Variants in NMI observed in about 807,000 individuals in gnomAD.
NMI encodes the protein N-myc-interactor.
Under a neutral mutation model 34.3 loss-of-function variants are expected in NMI, and 39 were observed. That is an observed-to-expected ratio of 1.14 (90% CI 0.88 to 1.49). The LOEUF (loss-of-function observed/expected upper bound fraction) is 1.49. Ranked by LOEUF, NMI falls within the 40% of genes most tolerant of loss-of-function variation. NMI has a pLI of 0.00. For missense variants in NMI, 339 were observed against 358.1 expected (o/e 0.95, Z 0.43); for synonymous variants, 113 against 120.3 (o/e 0.94, Z 0.40).
At chr2:151,277,236 G>A (rs1171463533) in intron 4 of NMI, 1 of 152,250 alleles carries the variant, frequency 6.6e-6, no homozygotes, top group African/African-American at 2.4e-5. Flanking sequence ...TAACTTGGAT[G>A]ATGGTTTTTT....
intron 6 of NMI, 72 bp downstream of exon 6, chr2:151,275,412 G>T (rs1002785048): frequency 9.1e-6 from 12 of 1,320,334 alleles, no homozygotes; most frequent in African/African-American, 1.5e-5. Context: ...AGTAGAATAG[G>T]AATACTTTCA....
intron 3 of NMI, among the ~76,000 whole-genome samples, chr2:151,279,825 C>A (rs1160934720): frequency 6.6e-6 from 1 of 152,038 alleles, no homozygotes; most frequent in African/African-American, 2.4e-5. Context: ...CCACCTTCCC[C>A]AACACCTGCC....
chr2:151,281,928 T>C lies in NMI; in HGVS notation c.177+20A>G, dbSNP rs758448883. On this transcript the variant is annotated intron_variant, in intron 3 of 7. Transcript: ENST00000243346. ...ATGCATCCATCAAAAATGTAGTATA[T>C]AAAATAATTAAGAGAGTACCTGGAA... 26 of 1,218,850 alleles carry C rather than the reference T, an allele frequency of 2.1e-5. No homozygotes were observed. Among genetic ancestry groups the C allele is most frequent in the Admixed American group, 7.8e-5 (4 of 51,168 alleles). 75.5% of individuals were successfully genotyped at this position (1,218,850 alleles called of 1,614,324 possible). A position where few individuals can be genotyped will look rare whatever the true frequency, so the allele number is the denominator to read the frequency against.
In NMI at chr2:151,275,670, C is replaced by T; in HGVS notation, c.448G>A (p.Val150Ile). ...VPLNSGVRFQ[V>I]YVEVSKMKIN... Reference sequence around the variant, plus strand: ...TTCATTTTAGAAACTTCTACATAAACCTGGAAAATGATTTGATGTTCAGAA... The same window carrying T: ...TTCATTTTAGAAACTTCTACATAAATCTGGAAAATGATTTGATGTTCAGAA... Residue 150 changes from valine (V) to isoleucine (I), a missense_variant and splice_region_variant, in exon 6 of 8, where the codon GTT (valine) becomes ATT (isoleucine). Physicochemically the swap from Val to Ile is conservative, Grantham distance 29 (BLOSUM62 3). Transcript: ENST00000243346. 6.2e-7 allele frequency: 1 copy of T among 1,613,762 alleles called. No homozygotes were observed. The highest frequency in any genetic ancestry group is 1.1e-5 in the South Asian group (1 of 91,074).
intron 6 of NMI, among the ~76,000 whole-genome samples, chr2:151,275,210 T>G (rs1352380087): frequency 6.6e-6 from 1 of 152,056 alleles, no homozygotes; most frequent in Non-Finnish European, 1.5e-5. Context: ...CTTGAACTCC[T>G]GACCTCAAGT....
chr2:151,275,619 T>A lies in NMI; in HGVS notation c.499A>T (p.Thr167Ser). Residue 167 changes from threonine to serine, a missense_variant, in exon 6 of 8, where the codon ACA (threonine) becomes TCA (serine). By Grantham distance (58) the Thr-to-Ser change is moderately conservative. Coordinates refer to ENST00000243346, the MANE Select transcript of NMI (RefSeq NM_004688.3). ...MKINVTEIPD[T>S]LREDQMRDKL... is the part of the protein sequence containing the mutation. ...TCTCTCATTTGATCTTCACGCAATG[T>A]GTCAGGAATTTCAGTAACATTGATT... The A allele has an allele frequency of 6.2e-7, 1 of 1,614,210 alleles. No individual in the cohort carries two copies. Among genetic ancestry groups the A allele is most frequent in the South Asian group, 1.1e-5 (1 of 91,088 alleles).
At chr2:151,277,818 G>T (rs755676954) in intron 4 of NMI, 2 of 152,134 alleles carry the variant, frequency 1.3e-5, no homozygotes, top group Non-Finnish European at 2.9e-5. Flanking sequence ...CAGAATATGA[G>T]CACTGGAAGG....
intron 6 of NMI, among the ~76,000 whole-genome samples, chr2:151,273,143 G>C (rs1269352385): frequency 1.3e-5 from 2 of 150,826 alleles, no homozygotes; most frequent in Non-Finnish European, 2.9e-5. Flanking sequence ...TACAGGTCCT[G>C]AGTCAAATAG....
At chr2:151,271,852 T>G (rs773392529) in intron 6 of NMI, 120 bp from the exon 7 acceptor site, 1 of 585,818 alleles carries the variant, frequency 1.7e-6, no homozygotes, top group Non-Finnish European at 3.0e-6. Flanking sequence ...AGATTAATTT[T>G]TAAGAAATTC....
intron 6 of NMI, among the ~76,000 whole-genome samples, chr2:151,274,350 A>C (rs1573742051): frequency 2.1e-5 from 1 of 47,336 alleles, no homozygotes; most frequent in African/African-American, 9.5e-5. Flanking sequence ...CTCACAAAAA[A>C]AAAAAAAAAA....
intron 1 of NMI, among the ~76,000 whole-genome samples, chr2:151,286,389 G>A (rs1206237181): frequency 6.6e-6 from 1 of 152,130 alleles, no homozygotes; most frequent in Admixed American, 6.6e-5. Context: ...AGACTAAAGA[G>A]ACCTCACAAC....
At chr2:151,270,926 C>T (rs188282691) in intron 7 of NMI, 51 bp from the exon 8 acceptor site, 371 of 1,302,802 alleles carry the variant, frequency 2.8e-4, no homozygotes, top group East Asian at 7.4e-4. Context: ...CTTTGAATTA[C>T]AAAACTTTAC....
At position 151,278,857 on chromosome 2, in the gene NMI, T is replaced by C. The variant is rs1365820064; in HGVS notation, c.311A>G (p.Gln104Arg). The C allele has an allele frequency of 6.2e-7, 1 of 1,613,568 alleles. No homozygotes were observed. Among genetic ancestry groups the C allele is most frequent in the Admixed American group, 1.7e-5 (1 of 60,010 alleles). ...SKVPYEIQKG[Q>R]ALITFEKEEV... ...TTCTTTTTCAAAGGTGATAAGTGCT[T>C]GTCCTTTTTGTATCTCATAAGGAAC... is the stretch of plus-strand genomic sequence containing the variant. The change falls in exon 4 of 8, where the codon CAA becomes CGA. Residue 104 changes from glutamine to arginine, a missense_variant. Gln to Arg is a conservative substitution (Grantham distance 43, BLOSUM62 1). Transcript: ENST00000243346.
chr2:151,281,451 T>C (rs536111580), intron 3 of NMI, among the ~76,000 whole-genome samples: 1 of 152,310 alleles, frequency 6.6e-6, no homozygotes, highest in East Asian at 1.9e-4. Flanking sequence ...GAAAAATGCA[T>C]GTATCATTAA....
chr2:151,271,700 G>C lies in NMI; in HGVS notation c.667C>G (p.Pro223Ala). 6.4e-7 allele frequency: 1 copy of C among 1,572,372 alleles called. No individual in the cohort carries two copies. The highest frequency in any genetic ancestry group is 8.7e-7 in the Non-Finnish European group (1 of 1,147,102). The change falls in exon 7 of 8, where the codon CCT (proline) becomes GCT (alanine). Residue 223 changes from proline to alanine, a missense_variant. Coordinates refer to ENST00000243346, the MANE Select transcript of NMI (RefSeq NM_004688.3). ...ADKILKKKEY[P>A]LYINQTCHRV... is the part of the protein sequence containing the mutation. The stretch of plus-strand genomic sequence containing the variant: ...TGGCAGGTTTGATTTATATAAAGAG[G>C]GTATTCTTTCTTTTTCAAAATCTTG...
At chr2:151,286,761 C>T (rs1683505936) in intron 1 of NMI, among the ~76,000 whole-genome samples, 1 of 152,162 alleles carries the variant, frequency 6.6e-6, no homozygotes. Context: ...GTATGTTCTT[C>T]GAGTCCCTTG....
At position 151,271,698 on chromosome 2, in the gene NMI, AG is replaced by A. The variant is rs1683190944; in HGVS notation, c.668del (p.Pro223LeufsTer4). 3 of 1,578,398 alleles carry A rather than the reference AG, an allele frequency of 1.9e-6. No homozygotes were observed. ...TATGGCAGGTTTGATTTATATAAAGAGGGTATTCTTTCTTTTTCAAAATCTT... is the reference window on the plus strand; with the variant it reads ...TATGGCAGGTTTGATTTATATAAAGAGGTATTCTTTCTTTTTCAAAATCTT... The part of the protein sequence containing the change: ...ADKILKKKEY[P>X]LYINQTCHRV... On this transcript the variant is annotated frameshift_variant, in exon 7 of 8. Transcript: ENST00000243346. LOFTEE classifies it high-confidence loss of function.
rs1683206094 is a variant in NMI, at chr2:151,272,480, T to G, written c.635-748A>C. 1.3e-5 allele frequency among the ~76,000 whole-genome samples: 2 copies of G among 152,086 alleles called. 1 individual carries two copies. The highest frequency in any genetic ancestry group is 4.1e-4 in the South Asian group (2 of 4,832). On this transcript the variant is annotated intron_variant, in intron 6 of 7. Transcript: ENST00000243346. ...AACCCTGAGGCAATGCTGATAGAAA[T>G]GTAAAATGGTACAGCCACTGTAGAA...
At chr2:151,282,447 GTGT>G (rs1293995525) in intron 2 of NMI, among the ~76,000 whole-genome samples, 2 of 152,164 alleles carry the variant, frequency 1.3e-5, no homozygotes, top group Admixed American at 6.5e-5. Flanking sequence ...TTTGTTGTTG[GTGT>G]TGTTGTTGTT....
Sources: gnomAD v4.1 joint callset for allele counts (sites outside exome capture counted in the v4.1 genomes callset) on GRCh38, gnomAD v4.1.1 for gene constraint, MANE v1.5 for transcripts, NCBI Gene and HGNC (gene_info 2026-07-23, HGNC 2026-07-21) for gene names.